The following NEK11 variants were observed in gnomAD, a reference collection of about 807,000 sequenced individuals.
NEK11 encodes the protein NIMA related kinase 11.
Under a neutral mutation model 80.7 loss-of-function variants are expected in NEK11, and 72 were observed. The observed-to-expected ratio is 0.89, with a 90% CI of 0.74 to 1.08. The LOEUF (loss-of-function observed/expected upper bound fraction) is 1.08, where lower values mean the gene tolerates loss of function less well. NEK11 is among the 50% of genes least tolerant of loss of function. NEK11 has a pLI of 0.00. For missense variants in NEK11, 764 were observed against 763.6 expected, an observed-to-expected ratio of 1.00 and a Z score of -0.01; for synonymous variants, 251 against 260.7, an observed-to-expected ratio of 0.96 and a Z score of 0.36.
chr3:131,169,753 A>G (rs115287661), intron 13 of NEK11, among the ~76,000 whole-genome samples: 2,655 of 152,278 alleles, frequency 0.017, 96 homozygotes, highest in African/African-American at 0.061. Context: ...AGCAATTATA[A>G]CAATTCTATC....
chr3:131,298,275 T>C (rs942382849), intron 17 of NEK11, among the ~76,000 whole-genome samples: 2 of 152,190 alleles, frequency 1.3e-5, no homozygotes, highest in Admixed American at 6.5e-5. Context: ...ATTTTCACGA[T>C]ATTGATTCTT....
In NEK11 at chr3:131,084,996, G is replaced by A. The variant is rs149654015; in HGVS notation, c.336+4408G>A. ...GGAAAAATTTGTCATTATTGGTGGA[G>A]CACTAAGCAAAGATGAGGCCCAGAG... On this transcript the variant is annotated intron_variant, in intron 4 of 17. Transcript: ENST00000383366. 4.6e-5 allele frequency among the ~76,000 whole-genome samples: 7 copies of A among 152,354 alleles called. No individual in the cohort carries two copies. The East Asian group carries it at 1.3e-3, about 29-fold the overall frequency.
chr3:131,300,392 C>T (rs2096647968), intron 17 of NEK11, among the ~76,000 whole-genome samples: 1 of 152,134 alleles, frequency 6.6e-6, no homozygotes, highest in Non-Finnish European at 1.5e-5. Flanking sequence ...AATTAAGTTT[C>T]ATTTGTCAAT....
intron 3 of NEK11, among the ~76,000 whole-genome samples, chr3:131,044,529 G>C (rs77324292): frequency 6.6e-6 from 1 of 151,220 alleles, no homozygotes; most frequent in Non-Finnish European, 1.5e-5. Flanking sequence ...ACAAAGAGGG[G>C]CATTACATAA....
At chr3:131,050,223 A>G (rs1489456080) in intron 3 of NEK11, among the ~76,000 whole-genome samples, 4 of 152,254 alleles carry the variant, frequency 2.6e-5, no homozygotes, top group African/African-American at 7.2e-5. Flanking sequence ...TAAAGGTGGA[A>G]TCATTTTGCC....
At chr3:131,070,912 G>A (rs1336011191) in intron 3 of NEK11, among the ~76,000 whole-genome samples, 2 of 152,118 alleles carry the variant, frequency 1.3e-5, no homozygotes, top group Non-Finnish European at 2.9e-5. Flanking sequence ...ATTGATTGAG[G>A]TACTTTGATT....
intron 16 of NEK11, among the ~76,000 whole-genome samples, chr3:131,270,314 C>G (rs1442729958): frequency 6.6e-6 from 1 of 152,174 alleles, no homozygotes; most frequent in African/African-American, 2.4e-5. Context: ...CCTTACTACT[C>G]AAAGTGTGGT....
At chr3:131,120,805 T>C (rs893512022) in intron 5 of NEK11, among the ~76,000 whole-genome samples, 2 of 152,244 alleles carry the variant, frequency 1.3e-5, no homozygotes. Context: ...CACATAGTTC[T>C]CGTGCCATGG....
intron 4 of NEK11, among the ~76,000 whole-genome samples, chr3:131,095,707 C>G (rs1170083176): frequency 1.3e-5 from 2 of 152,094 alleles, no homozygotes; most frequent in African/African-American, 4.8e-5. Context: ...TTTAACACAT[C>G]AAATAAGCCT....
intron 5 of NEK11, among the ~76,000 whole-genome samples, chr3:131,128,999 T>A (rs1445559746): frequency 6.6e-6 from 1 of 152,128 alleles, no homozygotes; most frequent in Non-Finnish European, 1.5e-5. Context: ...TAAAACCAGA[T>A]TATTTTCTTA....
chr3:131,176,283 A>G (rs2150118302), intron 14 of NEK11, among the ~76,000 whole-genome samples: 1 of 152,322 alleles, frequency 6.6e-6, no homozygotes, highest in South Asian at 2.1e-4. Flanking sequence ...AGTTCTCAGA[A>G]AAGAAGACCA....
At chr3:131,230,633 T>G (rs2095310989) in intron 15 of NEK11, among the ~76,000 whole-genome samples, 1 of 152,162 alleles carries the variant, frequency 6.6e-6, no homozygotes, top group Non-Finnish European at 1.5e-5. Context: ...TTTTAAAAAT[T>G]CCTTCTTATT....
chr3:131,333,296 G>C (rs932688894), intron 17 of NEK11, among the ~76,000 whole-genome samples: 1 of 152,006 alleles, frequency 6.6e-6, no homozygotes, highest in Admixed American at 6.6e-5. Context: ...AGCCAGAAGA[G>C]AGTGGGGGCC....
chr3:131,327,739 T>TAAAAAAAAAA (rs60846974), intron 17 of NEK11: 11 of 124,160 alleles, frequency 8.9e-5, no homozygotes, highest in African/African-American at 3.3e-4. Context: ...GCCTGGTGGT[T>TAAAAAAAAAA]AAAAAAAAAA....
At chr3:131,235,259 T>C (rs983975174) in intron 15 of NEK11, among the ~76,000 whole-genome samples, 1 of 152,134 alleles carries the variant, frequency 6.6e-6, no homozygotes, top group Non-Finnish European at 1.5e-5. Context: ...GTGGACCCTC[T>C]AGTGCTTTTC....
In NEK11 at chr3:131,099,931, C is replaced by A. The variant is rs527531221; in HGVS notation, c.337-9872C>A. On this transcript the variant is annotated intron_variant, in intron 4 of 17. Coordinates refer to ENST00000383366, the MANE Select transcript of NEK11 (RefSeq NM_024800.5). ...GTCAGCAAAGAGAGATAGCTGACTT[C>A]GTTTTGGATGCCTTTTATTTCTTTC... Among the ~76,000 whole-genome samples the A allele has an allele frequency of 5.9e-5, 9 of 152,222 alleles. No individual in the cohort carries two copies. The South Asian group carries it at 1.9e-3, about 32-fold the overall frequency.
chr3:131,317,596 T>G (rs918899585), intron 17 of NEK11, among the ~76,000 whole-genome samples: 1 of 151,398 alleles, frequency 6.6e-6, no homozygotes, highest in African/African-American at 2.4e-5. Flanking sequence ...GGAGGTCCCA[T>G]TAGAAATGCA....
At chr3:131,202,472 C>T (rs977483714) in intron 14 of NEK11, among the ~76,000 whole-genome samples, 1 of 152,186 alleles carries the variant, frequency 6.6e-6, no homozygotes, top group African/African-American at 2.4e-5. Flanking sequence ...AGGTCCCACG[C>T]CCATGGAGCC....
rs933609254 is a variant in NEK11, at chr3:131,177,416, A to T, written c.1399+6529A>T. Among the ~76,000 whole-genome samples, 8 of 152,338 alleles carry T rather than the reference A, an allele frequency of 5.3e-5. No individual in the cohort carries two copies. In the East Asian group the frequency reaches 1.5e-3, roughly 29 times the overall value. On this transcript the variant is annotated intron_variant, in intron 14 of 17. Transcript: ENST00000383366. Reference sequence around the variant, plus strand: ...AACACATATGTTAACATACAGTAACATACATGTCTGTTACTGTATTTCGCT... The same window carrying T: ...AACACATATGTTAACATACAGTAACTTACATGTCTGTTACTGTATTTCGCT...
Sources: allele counts gnomAD v4.1 joint callset (sites outside exome capture counted in the v4.1 genomes callset), GRCh38; gene constraint gnomAD v4.1.1; transcripts MANE v1.5; gene names NCBI Gene and HGNC (gene_info 2026-07-23, HGNC 2026-07-21).